Variants in CTCF observed in about 807,000 individuals in gnomAD.
CTCF encodes the protein transcriptional repressor CTCF.
Under a neutral mutation model 72.3 loss-of-function variants are expected in CTCF, and 7 were observed. The ratio of observed to expected loss-of-function variants is 0.10; its 90% CI spans 0.06 to 0.18. The LOEUF is 0.18. CTCF is among the 10% of genes least tolerant of loss of function. The pLI, the probability that CTCF is intolerant of heterozygous loss-of-function variation, is 1.00. For synonymous variants in CTCF, 374 were observed against 315.8 expected (o/e 1.18, Z -1.95); for missense variants, 516 against 949.1 (o/e 0.54, Z 6.00).
chr16:67,592,741 C>T (rs1390907678), intron 2 of CTCF, among the ~76,000 whole-genome samples: 2 of 150,072 alleles, frequency 1.3e-5, no homozygotes, highest in African/African-American at 4.9e-5. Flanking sequence ...CTTACAGAGG[C>T]CAGGCGTTGG....
chr16:67,567,589 T>A (rs1041536361), intron 1 of CTCF, among the ~76,000 whole-genome samples: 13 of 152,040 alleles, frequency 8.6e-5, no homozygotes, highest in South Asian at 4.1e-4. Flanking sequence ...TTTTTTTTTT[T>A]AATACATTTT....
chr16:67,633,312 G>A (rs2052387851), intron 10 of CTCF, among the ~76,000 whole-genome samples: 1 of 152,202 alleles, frequency 6.6e-6, no homozygotes, highest in Admixed American at 6.5e-5. Flanking sequence ...CAGGGAAACT[G>A]AGTCTCAGCT....
chr16:67,613,848 G>A (rs965933863), intron 4 of CTCF, among the ~76,000 whole-genome samples: 10 of 152,128 alleles, frequency 6.6e-5, no homozygotes, highest in Admixed American at 5.9e-4. Context: ...CTTGGTGTGG[G>A]CATTCTCTAT....
At position 67,584,615 on chromosome 16, in the gene CTCF, C is replaced by T. The variant is rs116283790; in HGVS notation, c.-10+13351C>T. Among the ~76,000 whole-genome samples, 850 of 151,840 alleles carry T rather than the reference C, an allele frequency of 5.6e-3. 24 individuals carry two copies. The highest frequency in any genetic ancestry group is 1.9e-3 in the Non-Finnish European group (131 of 67,960). ...TGCTGGGATTACAGGCGTGAGCCAC[C>T]GCATCTGGCCAGTCTTCTTTTTTTT... On this transcript the variant is annotated intron_variant, in intron 2 of 11. Transcript: ENST00000264010.
Position 67,603,990 on chromosome 16 carries a change from G to A in CTCF, c.-9-6834G>A, listed in dbSNP as rs1267258635. ...CTAAAAATACAAAAAAATTAGCCTGGTGCCTGGTATGAACCTGTAGTCCCA... is the reference window on the plus strand; with the variant it reads ...CTAAAAATACAAAAAAATTAGCCTGATGCCTGGTATGAACCTGTAGTCCCA... On this transcript the variant is annotated intron_variant, in intron 2 of 11. Transcript: ENST00000264010. Among the ~76,000 whole-genome samples the A allele has an allele frequency of 1.3e-5, 2 of 149,698 alleles. 1 individual carries two copies. Among genetic ancestry groups the A allele is most frequent in the South Asian group, 4.2e-4 (2 of 4,724 alleles).
At chr16:67,594,417 A>G (rs925574087) in intron 2 of CTCF, among the ~76,000 whole-genome samples, 10 of 151,220 alleles carry the variant, frequency 6.6e-5, no homozygotes, top group South Asian at 4.2e-4. Context: ...GAATTGACAC[A>G]GGCTAGTTGC....
chr16:67,578,809 G>T (rs556155691), intron 2 of CTCF, among the ~76,000 whole-genome samples: 2 of 151,354 alleles, frequency 1.3e-5, no homozygotes, highest in Non-Finnish European at 2.9e-5. Flanking sequence ...TTAGCTGGGC[G>T]TGGTGGCAGG....
chr16:67,626,419 C>T (rs1469042993), intron 7 of CTCF, 136 bp from the exon 8 acceptor site: 1 of 552,868 alleles, frequency 1.8e-6, no homozygotes, highest in Non-Finnish European at 2.8e-6. Flanking sequence ...CGCCACTGCA[C>T]TCCAGCCTGG....
chr16:67,621,983 A>G (rs925347140), intron 7 of CTCF, among the ~76,000 whole-genome samples: 1 of 152,120 alleles, frequency 6.6e-6, no homozygotes, highest in Admixed American at 6.6e-5. Flanking sequence ...AGGTAATGGG[A>G]CTGTTTTATT....
At chr16:67,595,090 G>T (rs2051794091) in intron 2 of CTCF, among the ~76,000 whole-genome samples, 1 of 152,188 alleles carries the variant, frequency 6.6e-6, no homozygotes, top group African/African-American at 2.4e-5. Context: ...GATTCAGTCA[G>T]CATCACCAAT....
intron 2 of CTCF, among the ~76,000 whole-genome samples, chr16:67,597,826 TTGTC>T (rs1404292996): frequency 1.3e-5 from 2 of 152,336 alleles, no homozygotes; most frequent in East Asian, 3.9e-4. Context: ...TCTGTTTAAA[TTGTC>T]TGCCTATAGT....
chr16:67,612,223 A>T (rs1007729669), intron 4 of CTCF, 102 bp downstream of exon 4: 1 of 1,037,948 alleles, frequency 9.6e-7, no homozygotes, highest in African/African-American at 1.6e-5. Context: ...GGAAGTTTTT[A>T]TTATTTCTTA....
chr16:67,613,863 T>C (rs2052093674), intron 4 of CTCF, among the ~76,000 whole-genome samples: 1 of 152,172 alleles, frequency 6.6e-6, no homozygotes, highest in African/African-American at 2.4e-5. Flanking sequence ...CTCTATCTGG[T>C]CTTCAGCTTT....
At chr16:67,604,807 G>A (rs2051951245) in intron 2 of CTCF, among the ~76,000 whole-genome samples, 1 of 132,446 alleles carries the variant, frequency 7.6e-6, no homozygotes, top group East Asian at 2.2e-4. Context: ...TACATATAAT[G>A]TGGCTTATGT....
chr16:67,637,591 G>T, intron 11 of CTCF, 97 bp from the exon 12 acceptor site: 1 of 956,314 alleles, frequency 1.0e-6, no homozygotes, highest in Non-Finnish European at 1.6e-6. Flanking sequence ...AGGCTGTCCT[G>T]CATTGCTGAC....
chr16:67,598,365 A>G (rs757820792), intron 2 of CTCF, among the ~76,000 whole-genome samples: 2 of 152,096 alleles, frequency 1.3e-5, no homozygotes, highest in Non-Finnish European at 2.9e-5. Context: ...GTTTATGTAT[A>G]TTTTCCTATA....
intron 2 of CTCF, among the ~76,000 whole-genome samples, chr16:67,583,325 C>T (rs2051616554): frequency 6.6e-6 from 1 of 152,090 alleles, no homozygotes; most frequent in South Asian, 2.1e-4. Flanking sequence ...TACACATTAT[C>T]TTCCCCAATA....
At chr16:67,581,547 A>G (rs1298938881) in intron 2 of CTCF, among the ~76,000 whole-genome samples, 1 of 151,778 alleles carries the variant, frequency 6.6e-6, no homozygotes, top group East Asian at 1.9e-4. Flanking sequence ...TCTGTTGTCC[A>G]GTCTGGAGTG....
At chr16:67,590,934 C>T (rs1240528933) in intron 2 of CTCF, among the ~76,000 whole-genome samples, 4 of 136,914 alleles carry the variant, frequency 2.9e-5, no homozygotes, top group African/African-American at 1.1e-4. Context: ...GCACTCCAGC[C>T]TGGATGACAG....
Sources: gnomAD v4.1 joint callset for allele counts (sites outside exome capture counted in the v4.1 genomes callset) on GRCh38, gnomAD v4.1.1 for gene constraint, MANE v1.5 for transcripts, NCBI Gene and HGNC (gene_info 2026-07-23, HGNC 2026-07-21) for gene names.